Variants in KAT6B observed in about 807,000 individuals in gnomAD.
KAT6B encodes the protein histone acetyltransferase KAT6B.
Under a neutral mutation model 187.5 loss-of-function variants are expected in KAT6B, and 10 were observed. The observed-to-expected ratio is 0.05, with a 90% confidence interval of 0.03 to 0.09. KAT6B has a LOEUF of 0.09. KAT6B is among the 10% of genes least tolerant of loss of function. KAT6B has a pLI of 1.00. For synonymous variants in KAT6B, 861 were observed against 926.8 expected (o/e 0.93, Z 1.29); for missense variants, 1,952 against 2,558.9 (o/e 0.76, Z 5.12).
At chr10:74,973,926 C>T (rs1467180659) in intron 7 of KAT6B, among the ~76,000 whole-genome samples, 3 of 152,188 alleles carry the variant, frequency 2.0e-5, no homozygotes, top group Non-Finnish European at 4.4e-5. Flanking sequence ...GAGGACACAG[C>T]TGAAAATTGC....
intron 13 of KAT6B, among the ~76,000 whole-genome samples, chr10:74,992,431 T>C (rs1843176415): frequency 1.3e-5 from 2 of 152,254 alleles, no homozygotes; most frequent in South Asian, 4.1e-4. Context: ...GGACTTTAAA[T>C]GTGCTCAGAA....
At chr10:74,905,719 C>G (rs1846709809) in intron 3 of KAT6B, among the ~76,000 whole-genome samples, 1 of 152,160 alleles carries the variant, frequency 6.6e-6, no homozygotes, top group Non-Finnish European at 1.5e-5. Flanking sequence ...AGCTGTCAGC[C>G]CCAGCAGGCA....
At chr10:74,836,027 AT>A (rs1218180650) in intron 1 of KAT6B, among the ~76,000 whole-genome samples, 4 of 152,096 alleles carry the variant, frequency 2.6e-5, no homozygotes, top group Admixed American at 2.6e-4. Flanking sequence ...TTGTCTATGG[AT>A]TTATCTATTC....
At chr10:74,833,504 A>G (rs896317558) in intron 1 of KAT6B, among the ~76,000 whole-genome samples, 2 of 152,204 alleles carry the variant, frequency 1.3e-5, no homozygotes, top group African/African-American at 4.8e-5. Flanking sequence ...AGGGATAACT[A>G]TGCAAACCTA....
chr10:75,023,971 A>G (rs1389900257), intron 16 of KAT6B, among the ~76,000 whole-genome samples: 3 of 152,238 alleles, frequency 2.0e-5, no homozygotes, highest in South Asian at 2.1e-4. Flanking sequence ...GGGGGCAACA[A>G]TTACATCTTA....
intron 11 of KAT6B, chr10:74,982,760 T>C (rs1842591787): frequency 6.6e-6 from 1 of 152,350 alleles, no homozygotes; most frequent in African/African-American, 2.4e-5. Context: ...GTGGTGTGCA[T>C]TGGTGCTCAT....
chr10:74,910,209 A>G (rs1847098131), intron 3 of KAT6B, among the ~76,000 whole-genome samples: 1 of 151,724 alleles, frequency 6.6e-6, no homozygotes, highest in Non-Finnish European at 1.5e-5. Flanking sequence ...AAGGCAGGAG[A>G]GTCGCTTGAA....
At chr10:74,963,192 T>A (rs975992570) in intron 4 of KAT6B, among the ~76,000 whole-genome samples, 1 of 152,248 alleles carries the variant, frequency 6.6e-6, no homozygotes, top group African/African-American at 2.4e-5. Flanking sequence ...GTGTTAGAAA[T>A]GATTTTACTT....
At chr10:74,833,620 G>A (rs1489212590) in intron 1 of KAT6B, among the ~76,000 whole-genome samples, 5 of 152,186 alleles carry the variant, frequency 3.3e-5, no homozygotes, top group African/African-American at 9.7e-5. Context: ...ATAGTTTATT[G>A]ATGGTTCAGT....
At chr10:74,927,932 A>G (rs1440937477) in intron 3 of KAT6B, among the ~76,000 whole-genome samples, 1 of 152,228 alleles carries the variant, frequency 6.6e-6, no homozygotes, top group Non-Finnish European at 1.5e-5. Context: ...AAACCAGATC[A>G]TGAGTCAGAC....
At chr10:74,892,581 A>AT (rs1464450962) in intron 3 of KAT6B, among the ~76,000 whole-genome samples, 1 of 152,128 alleles carries the variant, frequency 6.6e-6, no homozygotes, top group East Asian at 1.9e-4. Flanking sequence ...AGAGAAGAGT[A>AT]TAAGTCAGTT....
At chr10:74,969,532 T>C (rs1841712758) in intron 4 of KAT6B, 128 bp from the exon 5 acceptor site, 1 of 698,266 alleles carries the variant, frequency 1.4e-6, no homozygotes, top group Middle Eastern at 3.7e-4. Context: ...CTCTGATCTG[T>C]TGGCATTTTC....
chr10:74,994,710 C>T (rs1220046128), intron 13 of KAT6B, among the ~76,000 whole-genome samples: 2 of 151,680 alleles, frequency 1.3e-5, no homozygotes, highest in East Asian at 1.9e-4. Flanking sequence ...TGCTTGAACC[C>T]GGGAGGTGGA....
intron 3 of KAT6B, among the ~76,000 whole-genome samples, chr10:74,869,598 C>T (rs1054513490): frequency 1.3e-5 from 2 of 152,324 alleles, no homozygotes; most frequent in East Asian, 3.9e-4. Context: ...AAATGTTGTT[C>T]TTTAAAAAGA....
chr10:74,895,731 A>C (rs933011933), intron 3 of KAT6B, among the ~76,000 whole-genome samples: 6 of 151,924 alleles, frequency 3.9e-5, no homozygotes, highest in Admixed American at 2.6e-4. Flanking sequence ...ATAAAGATGA[A>C]GTTTCACCGT....
intron 3 of KAT6B, among the ~76,000 whole-genome samples, chr10:74,943,044 G>A (rs953150051): frequency 6.6e-6 from 1 of 152,224 alleles, no homozygotes; most frequent in Middle Eastern, 3.4e-3. Context: ...AGAACTAATA[G>A]TGTCTCTAGT....
intron 3 of KAT6B, among the ~76,000 whole-genome samples, chr10:74,944,140 C>CT (rs1346131978): frequency 2.0e-5 from 3 of 152,206 alleles, no homozygotes; most frequent in African/African-American, 7.2e-5. Flanking sequence ...CAGGAACAGC[C>CT]TTGGATGACT....
intron 13 of KAT6B, among the ~76,000 whole-genome samples, chr10:75,019,594 G>T (rs1227641094): frequency 6.6e-6 from 1 of 152,162 alleles, no homozygotes; most frequent in African/African-American, 2.4e-5. Flanking sequence ...GTTGATGTTT[G>T]TTTAAACTTA....
In KAT6B at chr10:75,022,030, G is replaced by A; in HGVS notation, c.3171G>A (p.Glu1057=). The A allele has an allele frequency of 1.2e-6, 2 of 1,614,048 alleles. No homozygotes were observed. Among genetic ancestry groups the A allele is most frequent in the South Asian group, 2.2e-5 (2 of 91,068 alleles). The part of the protein sequence containing the change: ...HSPESRPVTG[E]RGQLLELSKE... The stretch of plus-strand genomic sequence containing the variant: ...CGGAGAGCCGGCCAGTCACAGGGGA[G>A]CGAGGGCAGCTGCTGGAGCTGTCTA... Residue 1057 remains glutamate, a synonymous_variant, in exon 16 of 18, where the codon GAG becomes GAA. Coordinates refer to ENST00000287239, the MANE Select transcript of KAT6B (RefSeq NM_012330.4).
Sources: allele counts gnomAD v4.1 joint callset (sites outside exome capture counted in the v4.1 genomes callset), GRCh38; gene constraint gnomAD v4.1.1; transcripts MANE v1.5; gene names NCBI Gene and HGNC (gene_info 2026-07-23, HGNC 2026-07-21).